Variants in INTS9 observed in about 807,000 individuals in gnomAD.
INTS9 encodes protein related to CPSF subunits of 74 kDa.
A neutral mutation model predicts 79.7 loss-of-function variants in INTS9; 55 were observed. The ratio of observed to expected loss-of-function variants is 0.69; its 90% CI spans 0.56 to 0.86. The LOEUF is 0.86. Ranked by LOEUF, INTS9 falls within the 40% of genes least tolerant of loss-of-function variation. The pLI, the probability that INTS9 is intolerant of heterozygous loss-of-function variation, is 0.00. For synonymous variants in INTS9, 319 were observed against 325.2 expected, an observed-to-expected ratio of 0.98 and a Z score of 0.20; for missense variants, 721 against 831.5, an observed-to-expected ratio of 0.87 and a Z score of 1.64.
rs1802835833 is a variant in INTS9 at position 28,775,804 on chromosome 8, G to A, written c.1518C>T (p.Ala506=). Residue 506 remains alanine (A), a synonymous_variant, in exon 14 of 17, where the codon GCC becomes GCT. Transcript: ENST00000521022. ...TCTCGTACCGACGTTTGAAGGGCAG[G>A]GCGAGAACCTCAGCCCGCCGATAGG... ...AMSYRRAEVL[A]LPFKRRYEKI... is the part of the protein sequence containing the mutation. The A allele has an allele frequency of 6.2e-7, 1 of 1,613,922 alleles. No homozygotes were observed. Among genetic ancestry groups the A allele is most frequent in the Non-Finnish European group, 8.5e-7 (1 of 1,179,948 alleles).
At position 28,846,626 on chromosome 8, in the gene INTS9, A is replaced by G; in HGVS notation, c.261+121T>C. The G allele has an allele frequency of 9.5e-6, 7 of 734,806 alleles. No homozygotes were observed. In the Admixed American group the frequency reaches 1.1e-4, roughly 12 times the overall value. The allele number at this position is 734,806 out of a possible 1,614,324, so 45.5% of individuals were successfully genotyped here. ...TTGGCTGTGTAACAATGTGCCTGGA[A>G]TAACAGATTCATTTAAACTTGAAAA... On this transcript the variant is annotated intron_variant, in intron 4 of 16. Coordinates refer to ENST00000521022, the MANE Select transcript of INTS9 (RefSeq NM_018250.4).
In INTS9 at chr8:28,769,967, G is replaced by C; in HGVS notation, c.1722C>G (p.Asp574Glu). 1 of 1,614,208 alleles carries C rather than the reference G, an allele frequency of 6.2e-7. No homozygotes were observed. The highest frequency in any genetic ancestry group is 8.5e-7 in the Non-Finnish European group (1 of 1,180,026). Residue 574 changes from aspartate (D) to glutamate (E), a missense_variant, in exon 16 of 17, where the codon GAC becomes GAG. By Grantham distance (45) the Asp-to-Glu change is conservative. Around this residue, in one of 3 missense-constraint regions of INTS9, gnomAD observed 281 missense variants for 300.8 expected, o/e 0.93. Coordinates refer to ENST00000521022, the MANE Select transcript of INTS9 (RefSeq NM_018250.4). ...GCTTCAGGACTTTGCAGTCTGGTAC[G>C]TCATCGCTCACCCGCTTTCTCTTCT... Reference protein sequence around the residue: ...SGKKRKRVSDDVPDCKVLKPL... With the variant: ...SGKKRKRVSDEVPDCKVLKPL...
At chr8:28,811,306 T>G (rs1387939134) in intron 8 of INTS9, among the ~76,000 whole-genome samples, 2 of 152,038 alleles carry the variant, frequency 1.3e-5, no homozygotes, top group African/African-American at 4.8e-5. Flanking sequence ...GTATTTTTAG[T>G]AGAGATGGGG....
chr8:28,830,632 T>TAA lies in INTS9; in HGVS notation c.488+4658_488+4659dup, dbSNP rs767647324. 1.6e-4 allele frequency among the ~76,000 whole-genome samples: 16 copies of TAA among 99,170 alleles called. No individual in the cohort carries two copies. In the South Asian group the frequency reaches 2.9e-3, roughly 18 times the overall value. The allele number at this position is 99,170 out of a possible 152,430, so 65.1% of individuals were successfully genotyped here. On this transcript the variant is annotated intron_variant, in intron 6 of 16. Coordinates refer to ENST00000521022, the MANE Select transcript of INTS9 (RefSeq NM_018250.4). ...AGAGTGAGACCCTGTCTCAAAAAAT[T>TAA]AAAAAAAAAAAAAAAAAAGCTCTTC...
At chr8:28,785,608 A>G (rs1035941213) in intron 11 of INTS9, among the ~76,000 whole-genome samples, 7 of 152,174 alleles carry the variant, frequency 4.6e-5, no homozygotes, top group African/African-American at 1.7e-4. Context: ...TTACAGCCTC[A>G]TCTTGTATTT....
chr8:28,843,037 T>G (rs74703134), intron 4 of INTS9, among the ~76,000 whole-genome samples: 6,505 of 152,274 alleles, frequency 0.043, 479 homozygotes, highest in African/African-American at 0.15. Flanking sequence ...GGTGGCCAAG[T>G]GCATTGTCCA....
Position 28,804,466 on chromosome 8 carries a change from C to T in INTS9, c.745-7811G>A, listed in dbSNP as rs374207849. 2.2e-4 allele frequency among the ~76,000 whole-genome samples: 34 copies of T among 152,024 alleles called. 2 individuals are homozygous for T. The highest frequency in any genetic ancestry group is 9.8e-4 in the Admixed American group (15 of 15,260). On this transcript the variant is annotated intron_variant, in intron 8 of 16. Transcript: ENST00000521022. ...AGATTGTGGAAGGTTCAATACCCCC[C>T]GCCCCCCTGCATGAGGAAGGAAATG... is the stretch of plus-strand genomic sequence containing the variant.
chr8:28,811,179 G>A (rs1805108488), intron 8 of INTS9, among the ~76,000 whole-genome samples: 3 of 150,074 alleles, frequency 2.0e-5, no homozygotes, highest in Admixed American at 6.6e-5. Flanking sequence ...CCCAGGCTGG[G>A]TACAGCAGCA....
chr8:28,848,102 C>G (rs1264386721), intron 3 of INTS9, among the ~76,000 whole-genome samples: 2 of 152,228 alleles, frequency 1.3e-5, no homozygotes, highest in African/African-American at 4.8e-5. Context: ...GCTTTCTCCT[C>G]TCACTGACTT....
chr8:28,791,561 T>C (rs747988990), intron 10 of INTS9, among the ~76,000 whole-genome samples: 10 of 152,186 alleles, frequency 6.6e-5, no homozygotes, highest in Non-Finnish European at 1.3e-4. Flanking sequence ...ATGCCTTTCT[T>C]AACCCCCCAA....
rs568517608 is a variant in INTS9 at position 28,811,823 on chromosome 8, G to T, written c.744+504C>A. Among the ~76,000 whole-genome samples the T allele has an allele frequency of 2.6e-5, 4 of 152,204 alleles. 1 individual carries two copies. The South Asian group carries it at 8.3e-4, about 32-fold the overall frequency. On this transcript the variant is annotated intron_variant, in intron 8 of 16. Transcript: ENST00000521022. ...TGGCCATCATTCTGAAAATCACCCT[G>T]CTTTACTGTTTTCAGTACTTGTATC... is the stretch of plus-strand genomic sequence containing the variant.
At chr8:28,768,972 C>A (rs1802369224) in intron 16 of INTS9, among the ~76,000 whole-genome samples, 1 of 152,136 alleles carries the variant, frequency 6.6e-6, no homozygotes, top group African/African-American at 2.4e-5. Flanking sequence ...TGGGTCAGGA[C>A]ATAGGCTGGG....
chr8:28,886,480 C>T (rs1810183337), intron 1 of INTS9, among the ~76,000 whole-genome samples: 1 of 152,198 alleles, frequency 6.6e-6, no homozygotes, highest in Non-Finnish European at 1.5e-5. Context: ...CTCCTGATCT[C>T]AAGCCATCTG....
chr8:28,814,094 A>G (rs981138001), intron 6 of INTS9, among the ~76,000 whole-genome samples: 2 of 151,860 alleles, frequency 1.3e-5, no homozygotes, highest in Admixed American at 6.6e-5. Flanking sequence ...AAATAGAGAC[A>G]TGGTCTTGCT....
intron 1 of INTS9, among the ~76,000 whole-genome samples, chr8:28,868,163 T>C (rs1808868668): frequency 6.6e-6 from 1 of 152,144 alleles, no homozygotes; most frequent in African/African-American, 2.4e-5. Flanking sequence ...TGCAGATGAG[T>C]TTATAATCTG....
Position 28,796,575 on chromosome 8 carries a change from A to C in INTS9, c.825T>G (p.Asp275Glu), listed in dbSNP as rs1442819268. 1 of 1,613,602 alleles carries C rather than the reference A, an allele frequency of 6.2e-7. No homozygotes were observed. Among genetic ancestry groups the C allele is most frequent in the Admixed American group, 1.7e-5 (1 of 60,032 alleles). Residue 275 changes from aspartate to glutamate, a missense_variant, in exon 9 of 17, where the codon GAT (aspartate) becomes GAG (glutamate). By Grantham distance (45) the Asp-to-Glu change is conservative. Coordinates refer to ENST00000521022, the MANE Select transcript of INTS9 (RefSeq NM_018250.4). Reference sequence around the variant, plus strand: ...TGCTGCAGAACTCTCCCACCATTCCATCTGGGTTTGCAGTGGGGATCTGGG... The same window carrying C: ...TGCTGCAGAACTCTCCCACCATTCCCTCTGGGTTTGCAGTGGGGATCTGGG... ...GLTQIPTANPDGMVGEFCSNL... is the reference protein window; with the variant it reads ...GLTQIPTANPEGMVGEFCSNL...
chr8:28,869,702 C>T (rs1352238093), intron 1 of INTS9, among the ~76,000 whole-genome samples: 1 of 152,154 alleles, frequency 6.6e-6, no homozygotes, highest in Non-Finnish European at 1.5e-5. Context: ...GATTCCATCT[C>T]GCAGGAGAGC....
intron 11 of INTS9, among the ~76,000 whole-genome samples, 185 bp from the exon 12 acceptor site, chr8:28,781,179 C>T (rs561040451): frequency 5.3e-4 from 80 of 152,048 alleles, no homozygotes; most frequent in African/African-American, 1.9e-3. Flanking sequence ...CTATGAACTC[C>T]GAAACCTCAG....
At chr8:28,842,489 A>T (rs967602490) in intron 4 of INTS9, among the ~76,000 whole-genome samples, 1 of 152,238 alleles carries the variant, frequency 6.6e-6, no homozygotes, top group African/African-American at 2.4e-5. Context: ...CCCTTCTGCC[A>T]GACTGTCTAA....
Sources: allele counts gnomAD v4.1 joint callset (sites outside exome capture counted in the v4.1 genomes callset), GRCh38; gene constraint gnomAD v4.1.1; regional missense constraint gnomAD v4.1.1; transcripts MANE v1.5; gene names NCBI Gene and HGNC (gene_info 2026-07-23, HGNC 2026-07-21).